RGS22: variants seen among roughly 807,000 people sequenced by gnomAD.
RGS22 encodes regulator of G protein signaling 22, also known as regulator of G-protein signaling 22.
Under a neutral mutation model 172.9 loss-of-function variants are expected in RGS22, and 148 were observed. The observed-to-expected ratio is 0.86, with a 90% CI of 0.75 to 0.98. The LOEUF (loss-of-function observed/expected upper bound fraction) is 0.98. RGS22 is among the 50% of genes least tolerant of loss of function. RGS22 has a pLI of 0.00. For missense variants in RGS22, 1,347 were observed against 1,440.8 expected (o/e 0.93, Z 1.05); for synonymous variants, 458 against 480.2 (o/e 0.95, Z 0.60).
rs371812936 is a variant in RGS22, at chr8:100,071,469, A to T, written c.494T>A (p.Phe165Tyr). Residue 165 changes from phenylalanine (F) to tyrosine (Y), a missense_variant, in exon 6 of 28, where the codon TTT becomes TAT. By Grantham distance (22) the Phe-to-Tyr change is conservative. Transcript: ENST00000360863. ...TGGTTTTTTCACGATCCAGGGAGAA[A>T]AATTTGATCCTACTGTGAAATTCAT... is the stretch of plus-strand genomic sequence containing the variant. The part of the protein sequence containing the change: ...SGMNFTVGSN[F>Y]SPWIVKKPPS... The T allele has an allele frequency of 3.3e-5, 53 of 1,613,036 alleles. No individual in the cohort carries two copies. Among genetic ancestry groups the T allele is most frequent in the Non-Finnish European group, 4.4e-5 (52 of 1,179,444 alleles).
chr8:100,071,362 C>A lies in RGS22; in HGVS notation c.594+7G>T. On this transcript the variant is annotated splice_region_variant and intron_variant, in intron 6 of 27. Coordinates refer to ENST00000360863, the MANE Select transcript of RGS22 (RefSeq NM_015668.5). ...GCTAAGTCATGAAAAAATGCTCATACTTTTACCTCACCAAGTGATACATAG... is the reference window on the plus strand; with the variant it reads ...GCTAAGTCATGAAAAAATGCTCATAATTTTACCTCACCAAGTGATACATAG... The A allele has an allele frequency of 6.3e-7, 1 of 1,597,298 alleles. No homozygotes were observed. The highest frequency in any genetic ancestry group is 8.5e-7 in the Non-Finnish European group (1 of 1,173,240).
chr8:100,052,739 C>A, intron 10 of RGS22, 63 bp downstream of exon 10: 1 of 1,408,126 alleles, frequency 7.1e-7, no homozygotes, highest in Non-Finnish European at 9.9e-7. Context: ...AGTGCACAAA[C>A]ACTCAAGCAT....
At chr8:100,078,887 A>G (rs888683273) in intron 4 of RGS22, among the ~76,000 whole-genome samples, 1 of 152,210 alleles carries the variant, frequency 6.6e-6, no homozygotes, top group African/African-American at 2.4e-5. Context: ...TTGGCTTCCC[A>G]AAGTGCTGGG....
chr8:100,099,815 AGCTCT>A (rs1813319506), intron 2 of RGS22, among the ~76,000 whole-genome samples: 1 of 152,202 alleles, frequency 6.6e-6, no homozygotes, highest in Non-Finnish European at 1.5e-5. Context: ...TCTGGCCCCT[AGCTCT>A]GCAACCTCTT....
chr8:99,963,624 C>G (rs1473771513), intron 24 of RGS22, among the ~76,000 whole-genome samples: 1 of 151,928 alleles, frequency 6.6e-6, no homozygotes, highest in East Asian at 1.9e-4. Flanking sequence ...TAAAAATCAA[C>G]AAAAAATAAT....
chr8:100,074,299 T>G (rs1245825805), intron 4 of RGS22, among the ~76,000 whole-genome samples: 1 of 152,212 alleles, frequency 6.6e-6, no homozygotes, highest in Non-Finnish European at 1.5e-5. Context: ...TTACATACAG[T>G]GAAATCCACC....
At chr8:99,990,575 T>C (rs1400993226) in intron 20 of RGS22, among the ~76,000 whole-genome samples, 1 of 152,172 alleles carries the variant, frequency 6.6e-6, no homozygotes, top group African/African-American at 2.4e-5. Context: ...ATATGGTTCT[T>C]GGGCAAGTCA....
intron 12 of RGS22, among the ~76,000 whole-genome samples, chr8:100,041,387 A>G (rs1820094668): frequency 6.6e-6 from 1 of 151,890 alleles, no homozygotes. Context: ...GCTACTTGGG[A>G]GGCTGAGGCA....
At chr8:100,081,162 T>C (rs957392256) in intron 3 of RGS22, among the ~76,000 whole-genome samples, 10 of 152,154 alleles carry the variant, frequency 6.6e-5, no homozygotes, top group African/African-American at 2.2e-4. Context: ...TGACTACTCA[T>C]GTAGATTAAC....
Position 99,981,669 on chromosome 8 carries a change from C to T in RGS22, c.3360+268G>A, listed in dbSNP as rs371901198. Among the ~76,000 whole-genome samples, 222 of 150,744 alleles carry T rather than the reference C, an allele frequency of 1.5e-3. 1 individual carries two copies. Among genetic ancestry groups the T allele is most frequent in the African/African-American group, 5.0e-3 (204 of 41,098 alleles). On this transcript the variant is annotated intron_variant, in intron 22 of 27. Transcript: ENST00000360863. Reference sequence around the variant, plus strand: ...CTGGAACCTTGTCAAATATGAATAACGTACAAGCTTTAAAAGGATATCTAT... The same window carrying T: ...CTGGAACCTTGTCAAATATGAATAATGTACAAGCTTTAAAAGGATATCTAT...
intron 18 of RGS22, 87 bp downstream of exon 18, chr8:100,002,115 T>C (rs2131331653): frequency 9.8e-7 from 1 of 1,016,262 alleles, no homozygotes; most frequent in Non-Finnish European, 1.4e-6. Context: ...GAAAATAAAA[T>C]AAGAGACTTT....
chr8:100,039,338 C>T (rs1035183829), intron 13 of RGS22, among the ~76,000 whole-genome samples: 3 of 151,452 alleles, frequency 2.0e-5, no homozygotes, highest in African/African-American at 7.3e-5. Flanking sequence ...TGTATTACAG[C>T]AGAACCAAAC....
chr8:100,103,258 A>G (rs1225306129), intron 2 of RGS22, among the ~76,000 whole-genome samples: 1 of 152,222 alleles, frequency 6.6e-6, no homozygotes, highest in East Asian at 1.9e-4. Flanking sequence ...GAGTTGGCAG[A>G]AGGAATATTG....
chr8:99,987,060 C>CT, intron 21 of RGS22, among the ~76,000 whole-genome samples: 1 of 152,156 alleles, frequency 6.6e-6, no homozygotes, highest in East Asian at 1.9e-4. Context: ...ATTTTGGATT[C>CT]TTTTTTGGTT....
In RGS22 at chr8:99,982,409, C is replaced by T. The variant is rs377383699; in HGVS notation, c.3181-293G>A. On this transcript the variant is annotated intron_variant, in intron 21 of 27. Transcript: ENST00000360863. ...GTATCTACTTTGACTCATTTAACAA[C>T]CGTATAATGAGGGCCTGTTATATAC... 3.2e-4 allele frequency among the ~76,000 whole-genome samples: 48 copies of T among 152,260 alleles called. 1 individual carries two copies. The highest frequency in any genetic ancestry group is 1.1e-3 in the African/African-American group (45 of 41,554).
chr8:100,031,432 T>C (rs1477587400), intron 14 of RGS22, among the ~76,000 whole-genome samples: 3 of 152,136 alleles, frequency 2.0e-5, no homozygotes, highest in African/African-American at 4.8e-5. Context: ...GTGCTGTGGA[T>C]TTACCTAGGA....
At chr8:100,050,619 T>G (rs1821177443) in intron 10 of RGS22, among the ~76,000 whole-genome samples, 1 of 152,216 alleles carries the variant, frequency 6.6e-6, no homozygotes, top group Non-Finnish European at 1.5e-5. Context: ...CTTTAAGGGC[T>G]ACTATGATTA....
In RGS22 at chr8:99,968,244, T is replaced by C. The variant is rs116963799; in HGVS notation, c.3520-2814A>G. Among the ~76,000 whole-genome samples, 44 of 152,030 alleles carry C rather than the reference T, an allele frequency of 2.9e-4. No individual in the cohort carries two copies. In the East Asian group the frequency reaches 8.5e-3, roughly 29 times the overall value. On this transcript the variant is annotated intron_variant, in intron 23 of 27. Coordinates refer to ENST00000360863, the MANE Select transcript of RGS22 (RefSeq NM_015668.5). ...ATCAAAAGGCCATCAGCATCAAAGATGAAAAGTAGATAAATCCATGAAGAT... is the reference window on the plus strand; with the variant it reads ...ATCAAAAGGCCATCAGCATCAAAGACGAAAAGTAGATAAATCCATGAAGAT...
At chr8:100,097,835 A>G (rs961011226) in intron 2 of RGS22, among the ~76,000 whole-genome samples, 1 of 151,982 alleles carries the variant, frequency 6.6e-6, no homozygotes, top group Non-Finnish European at 1.5e-5. Context: ...TATCCACACC[A>G]CCCTATGGGT....
Sources: gnomAD v4.1 joint callset for allele counts (sites outside exome capture counted in the v4.1 genomes callset) on GRCh38, gnomAD v4.1.1 for gene constraint, MANE v1.5 for transcripts, NCBI Gene and HGNC (gene_info 2026-07-23, HGNC 2026-07-21) for gene names.